Variants in PLIN4 observed in about 807,000 individuals in gnomAD.
PLIN4 encodes perilipin 4.
In PLIN4, 57 loss-of-function variants were observed where a neutral mutation model predicts 52.4. The ratio of observed to expected loss-of-function variants is 1.09; its 90% CI spans 0.88 to 1.36. PLIN4 has a LOEUF of 1.36. Among genes scored for constraint, PLIN4 ranks in the 40% most tolerant of loss-of-function variants. The pLI is 0.00. For missense variants in PLIN4, 1,757 were observed against 1,770.3 expected, an observed-to-expected ratio of 0.99 and a Z score of 0.13; for synonymous variants, 826 against 785.4, an observed-to-expected ratio of 1.05 and a Z score of -0.86.
rs915264513 is a variant in PLIN4 at position 4,516,615 on chromosome 19, A to G, written c.258+2T>C. 5.0e-6 allele frequency: 8 copies of G among 1,601,810 alleles called. No homozygotes were observed. Among genetic ancestry groups the G allele is most frequent in the East Asian group, 2.3e-5 (1 of 44,314 alleles). Reference sequence around the variant, plus strand: ...CAGACCCTGCCCTGCACATCCTCTCACCTTTTCCGAAGGTTGCAGCTCCTT... The same window carrying G: ...CAGACCCTGCCCTGCACATCCTCTCGCCTTTTCCGAAGGTTGCAGCTCCTT... On this transcript the variant is annotated splice_donor_variant, in intron 4 of 7. Transcript: ENST00000301286. LOFTEE classifies it high-confidence loss of function.
intron 4 of PLIN4, among the ~76,000 whole-genome samples, chr19:4,514,597 GGCGCCTGTA>G (rs1206932946): frequency 6.6e-6 from 1 of 151,660 alleles, no homozygotes; most frequent in African/African-American, 2.4e-5. Context: ...TGTGGTGGTG[GGCGCCTGTA>G]GTCCCAGCTA....
chr19:4,509,320 A>AAAAAAAAAAAAAAAAAAAC (rs1568227926), intron 5 of PLIN4, among the ~76,000 whole-genome samples: 4 of 140,496 alleles, frequency 2.8e-5, no homozygotes, highest in African/African-American at 1.0e-4. Flanking sequence ...CAAAAAAAAA[A>AAAAAAAAAAAAAAAAAAAC]AAAAAGTTAA....
Position 4,517,682 on chromosome 19 carries a change from A to C in PLIN4, c.68T>G (p.Phe23Cys). 6.3e-7 allele frequency: 1 copy of C among 1,596,392 alleles called. No individual in the cohort carries two copies. Among genetic ancestry groups the C allele is most frequent in the Non-Finnish European group, 8.5e-7 (1 of 1,172,162 alleles). The change falls in exon 3 of 8, where the codon TTT becomes TGT. Residue 23 changes from phenylalanine (F) to cysteine (C), a missense_variant. Around this residue, in one of 7 missense-constraint regions of PLIN4, gnomAD observed 332 missense variants for 310.8 expected, o/e 1.07. Coordinates refer to ENST00000301286, the MANE Select transcript of PLIN4 (RefSeq NM_001367868.2). ...KPKGKTLGSF[F>C]GSLPGFSSAR... is the part of the protein sequence containing the mutation. ...AGAGCTGAAGCCAGGCAGGGACCCAAAGAAGCTGCCCAGGGTCTGCATGGG... is the reference window on the plus strand; with the variant it reads ...AGAGCTGAAGCCAGGCAGGGACCCACAGAAGCTGCCCAGGGTCTGCATGGG...
chr19:4,506,536 C>A (rs533367558), intron 6 of PLIN4, among the ~76,000 whole-genome samples: 4 of 152,338 alleles, frequency 2.6e-5, no homozygotes, highest in South Asian at 2.1e-4. Flanking sequence ...CCCCCCACCC[C>A]CCAAGGGCAG....
chr19:4,502,487 G>GT lies in PLIN4; in HGVS notation c.*1971dup. On this transcript the variant is annotated 3_prime_UTR_variant, in exon 8 of 8. Transcript: ENST00000301286. The stretch of plus-strand genomic sequence containing the variant: ...TGCCCCGCACCCACGAGGCTGGGGG[G>GT]TTTGATGCTTCCTGCATCTGGCAGC... 7.1e-6 allele frequency: 2 copies of GT among 280,160 alleles called. No individual in the cohort carries two copies. The highest frequency in any genetic ancestry group is 6.3e-5 in the South Asian group (2 of 31,992). 17.4% of individuals were successfully genotyped at this position (280,160 alleles called of 1,614,324 possible). A position where few individuals can be genotyped will look rare whatever the true frequency, so the allele number is the denominator to read the frequency against.
In PLIN4 at chr19:4,504,947, T is replaced by C; in HGVS notation, c.3703A>G (p.Ile1235Val). The part of the protein sequence containing the change: ...LAQLQDCFRL[I>V]EKAQQAPEGQ... The stretch of plus-strand genomic sequence containing the variant: ...TCTGGAGCCTGCTGGGCCTTTTCAA[T>C]CTGGAGAGAGAGTACAGTGGGGAAA... Residue 1235 changes from isoleucine (I) to valine (V), a missense_variant and splice_region_variant, in exon 7 of 8, where the codon ATT becomes GTT. Around this residue, in one of 7 missense-constraint regions of PLIN4, gnomAD observed 712 missense variants for 637.1 expected, o/e 1.12. Transcript: ENST00000301286. 6.2e-7 allele frequency: 1 copy of C among 1,601,222 alleles called. No individual in the cohort carries two copies. The highest frequency in any genetic ancestry group is 1.1e-5 in the South Asian group (1 of 88,816).
In PLIN4 at chr19:4,508,701, G is replaced by C. The variant is rs546997938; in HGVS notation, c.3702+67C>G. 5 of 1,464,388 alleles carry C rather than the reference G, an allele frequency of 3.4e-6. No individual in the cohort carries two copies. In the East Asian group the frequency reaches 1.2e-4, roughly 36 times the overall value. 90.7% of individuals were successfully genotyped at this position (1,464,388 alleles called of 1,614,324 possible). A position where few individuals can be genotyped will look rare whatever the true frequency, so the allele number is the denominator to read the frequency against. The stretch of plus-strand genomic sequence containing the variant: ...GTGCTCAGTCAGTATCTGCAGCTGG[G>C]TGAGTCCTGGGCAGGGGTTCTAAGA... On this transcript the variant is annotated intron_variant, in intron 6 of 7. Transcript: ENST00000301286.
chr19:4,505,803 C>T (rs113107683), intron 6 of PLIN4, among the ~76,000 whole-genome samples: 8 of 152,214 alleles, frequency 5.3e-5, no homozygotes, highest in Admixed American at 2.6e-4. Context: ...AGACGCGTCC[C>T]CTCGGTGCCC....
chr19:4,518,111 C>T, intron 2 of PLIN4, 111 bp downstream of exon 2: 2 of 971,506 alleles, frequency 2.1e-6, no homozygotes, highest in African/African-American at 3.4e-5. Flanking sequence ...CACCAGCCCA[C>T]CAGGGAAGCA....
Position 4,511,083 on chromosome 19 carries a change from G to A in PLIN4, c.2877C>T (p.Gly959=), listed in dbSNP as rs369051267. Reference sequence around the variant, plus strand: ...CTCCAGTAGTCACTGCATCCTTAGCGCCACTCAGCACCGTCTTGGCTGTGT... The same window carrying A: ...CTCCAGTAGTCACTGCATCCTTAGCACCACTCAGCACCGTCTTGGCTGTGT... ...GVDTAKTVLS[G]AKDAVTTGVT... The change falls in exon 5 of 8, where the codon GGC becomes GGT. Residue 959 remains glycine, a synonymous_variant. Coordinates refer to ENST00000301286, the MANE Select transcript of PLIN4 (RefSeq NM_001367868.2). 1.6e-5 allele frequency: 26 copies of A among 1,613,372 alleles called. No homozygotes were observed. Among genetic ancestry groups the A allele is most frequent in the East Asian group, 1.1e-4 (5 of 44,892 alleles).
chr19:4,512,881 TTGG>T lies in PLIN4; in HGVS notation c.1076_1078del (p.Thr359del), dbSNP rs1392413000. 1 of 1,571,748 alleles carries T rather than the reference TTGG, an allele frequency of 6.4e-7. No individual in the cohort carries two copies. The highest frequency in any genetic ancestry group is 1.7e-5 in the Admixed American group (1 of 58,918). ...GTTCTTGGTGCCAGTTAGGACAGTC[TTGG>T]TGGTGTCCACGCCGGTCTGGATGGT... On this transcript the variant is annotated inframe_deletion, in exon 5 of 8. Transcript: ENST00000301286.
chr19:4,510,094 G>A (rs1229698368), intron 5 of PLIN4, among the ~76,000 whole-genome samples: 3 of 151,852 alleles, frequency 2.0e-5, no homozygotes, highest in East Asian at 1.9e-4. Flanking sequence ...CCAGCTGGGC[G>A]TGGTGGCTCA....
chr19:4,508,168 A>G (rs542518638), intron 6 of PLIN4, among the ~76,000 whole-genome samples: 1 of 152,152 alleles, frequency 6.6e-6, no homozygotes, highest in South Asian at 2.1e-4. Flanking sequence ...CTGTCTCCCC[A>G]TCGGTCAGGA....
Position 4,512,514 on chromosome 19 carries a change from C to T in PLIN4, c.1446G>A (p.Gly482=), listed in dbSNP as rs753673683. 5.3e-5 allele frequency: 86 copies of T among 1,609,096 alleles called. 1 individual carries two copies. Among genetic ancestry groups the T allele is most frequent in the Non-Finnish European group, 7.2e-5 (85 of 1,177,334 alleles). ...TAGTGTCCAGGCCGCCCTGGACGGC[C>T]CCTTTGGCCACATTCGCAGCACCGG... ...GVTGAANVAK[G]AVQGGLDTTK... The change falls in exon 5 of 8, where the codon GGG becomes GGA. Residue 482 remains glycine, a synonymous_variant. Coordinates refer to ENST00000301286, the MANE Select transcript of PLIN4 (RefSeq NM_001367868.2).
At chr19:4,509,854 G>A (rs936125727) in intron 5 of PLIN4, among the ~76,000 whole-genome samples, 1 of 152,010 alleles carries the variant, frequency 6.6e-6, no homozygotes, top group East Asian at 1.9e-4. Context: ...CCGAGAGATT[G>A]AGGCTGTAGT....
rs200301544 is a variant in PLIN4 at position 4,513,026 on chromosome 19, T to C, written c.934A>G (p.Met312Val). Residue 312 changes from methionine (M) to valine (V), a missense_variant, in exon 5 of 8, where the codon ATG becomes GTG. Physicochemically the swap from Met to Val is conservative, Grantham distance 21. Around this residue, in one of 7 missense-constraint regions of PLIN4, gnomAD observed 99 missense variants for 143.4 expected, o/e 0.69. Coordinates refer to ENST00000301286, the MANE Select transcript of PLIN4 (RefSeq NM_001367868.2). ...DTVCSGVTGA[M>V]NVAKGTIQTG... is the part of the protein sequence containing the mutation. ...TGGATGGTTCCTTTGGCCACATTCA[T>C]GGCACCAGTCACCCCACTACAGACG... The C allele has an allele frequency of 4.6e-6, 2 of 437,188 alleles. No individual in the cohort carries two copies. Among genetic ancestry groups the C allele is most frequent in the Non-Finnish European group, 7.6e-6 (2 of 262,292 alleles). 27.1% of individuals were successfully genotyped at this position (437,188 alleles called of 1,614,324 possible). A position where few individuals can be genotyped will look rare whatever the true frequency, so the allele number is the denominator to read the frequency against.
chr19:4,515,272 T>A (rs1324567048), intron 4 of PLIN4, among the ~76,000 whole-genome samples: 1 of 151,912 alleles, frequency 6.6e-6, no homozygotes, highest in African/African-American at 2.4e-5. Flanking sequence ...CTACTTTTTT[T>A]GTTTGTTTGT....
Position 4,518,425 on chromosome 19 carries a change from C to T in PLIN4, c.-58G>A, listed in dbSNP as rs373276209. 3.5e-5 allele frequency: 43 copies of T among 1,227,860 alleles called. 1 individual carries two copies. In the East Asian group the frequency reaches 3.8e-4, roughly 11 times the overall value. 76.1% of individuals were successfully genotyped at this position (1,227,860 alleles called of 1,614,324 possible). A position where few individuals can be genotyped will look rare whatever the true frequency, so the allele number is the denominator to read the frequency against. On this transcript the variant is annotated 5_prime_UTR_variant, in exon 1 of 8. Transcript: ENST00000301286. ...CACCCTGGTGTCACCGAAGCAGACG[C>T]GGCCCCGCTCACCTGGACTGCGCGG...
chr19:4,505,564 G>T (rs778985383), intron 6 of PLIN4, among the ~76,000 whole-genome samples: 15 of 152,148 alleles, frequency 9.9e-5, no homozygotes, highest in Non-Finnish European at 1.8e-4. Context: ...TCATTGACTT[G>T]GTGTTTATCC....
Sources: allele counts gnomAD v4.1 joint callset (sites outside exome capture counted in the v4.1 genomes callset), GRCh38; gene constraint gnomAD v4.1.1; regional missense constraint gnomAD v4.1.1; transcripts MANE v1.5; gene names NCBI Gene and HGNC (gene_info 2026-07-23, HGNC 2026-07-21).